The following ADAMTSL1 variants were observed in gnomAD, a reference collection of about 807,000 sequenced individuals.
ADAMTSL1 encodes ADAMTS-like protein 1.
In ADAMTSL1, 126 loss-of-function variants were observed where a neutral mutation model predicts 201.8. That is an observed-to-expected ratio of 0.62 (90% CI 0.54 to 0.72). ADAMTSL1 has a LOEUF of 0.72. ADAMTSL1 is among the 30% of genes least tolerant of loss of function. The probability of loss-of-function intolerance (pLI) is 0.00; values close to 1 mark genes in which losing one functional copy is unlikely to be tolerated. For missense variants in ADAMTSL1, 2,679 were observed against 2,277.8 expected, an observed-to-expected ratio of 1.18 and a Z score of -3.59; for synonymous variants, 1,121 against 903.4, an observed-to-expected ratio of 1.24 and a Z score of -4.32.
intron 16 of ADAMTSL1, among the ~76,000 whole-genome samples, chr9:18,758,622 C>G (rs1007894936): frequency 6.6e-6 from 1 of 152,338 alleles, no homozygotes; most frequent in South Asian, 2.1e-4. Context: ...CATCCTCTCT[C>G]TCTGACTCAG....
At chr9:18,753,624 T>C in intron 16 of ADAMTSL1, 116 bp downstream of exon 16, 2 of 1,147,772 alleles carry the variant, frequency 1.7e-6, no homozygotes, top group Non-Finnish European at 2.5e-6. Flanking sequence ...CAAGATCTGC[T>C]CATTTCTCCC....
At chr9:18,326,192 T>A (rs1050813556) in intron 2 of ADAMTSL1, among the ~76,000 whole-genome samples, 1 of 152,176 alleles carries the variant, frequency 6.6e-6, no homozygotes, top group Non-Finnish European at 1.5e-5. Flanking sequence ...TCAAAAATAT[T>A]CAAACCATAG....
chr9:18,898,512 G>T (rs1344292546), intron 26 of ADAMTSL1, among the ~76,000 whole-genome samples: 2 of 152,088 alleles, frequency 1.3e-5, no homozygotes, highest in Admixed American at 6.6e-5. Context: ...GAGAAATATG[G>T]GACTATGTAA....
At position 18,329,852 on chromosome 9, in the gene ADAMTSL1, C is replaced by G. The variant is rs143422543; in HGVS notation, c.207+165871C>G. On this transcript the variant is annotated intron_variant, in intron 2 of 29. Transcript: ENST00000680146. ...TGCTTTGTATTTGCCACGGCTGGCA[C>G]CAGGCAGTGCATATGCAGTGGCTAG... Among the ~76,000 whole-genome samples the G allele has an allele frequency of 5.3e-5, 8 of 152,308 alleles. No homozygotes were observed. In the East Asian group the frequency reaches 1.5e-3, roughly 29 times the overall value.
intron 23 of ADAMTSL1, among the ~76,000 whole-genome samples, chr9:18,849,809 G>T (rs10117736): frequency 0.14 from 22,005 of 152,152 alleles, 4,952 homozygotes; most frequent in African/African-American, 0.48. Context: ...AGAAAGGTCA[G>T]CATTTTGTAG....
chr9:18,717,403 G>A (rs756233551), intron 14 of ADAMTSL1, among the ~76,000 whole-genome samples: 6 of 151,870 alleles, frequency 4.0e-5, no homozygotes, highest in Non-Finnish European at 7.4e-5. Context: ...CAAGATCACT[G>A]TCTCCATAGG....
In ADAMTSL1 at chr9:18,120,406, T is replaced by C. The variant is rs536274103; in HGVS notation, c.88-43456T>C. On this transcript the variant is annotated intron_variant, in intron 1 of 29. Transcript: ENST00000680146. ...TCATCACACACCATTCCTGGTACAA[T>C]ACAAGAGGGGAATGGAGGAGGTGTC... Among the ~76,000 whole-genome samples, 3 of 152,218 alleles carry C rather than the reference T, an allele frequency of 2.0e-5. No individual in the cohort carries two copies. In the South Asian group the frequency reaches 6.2e-4, roughly 32 times the overall value.
At chr9:18,541,273 G>A (rs1820128458) in intron 3 of ADAMTSL1, among the ~76,000 whole-genome samples, 1 of 152,188 alleles carries the variant, frequency 6.6e-6, no homozygotes, top group Admixed American at 6.5e-5. Flanking sequence ...CACTTTGGGA[G>A]GCCGAGGCAG....
intron 4 of ADAMTSL1, chr9:18,574,638 A>C: frequency 3.1e-6 from 1 of 321,454 alleles, no homozygotes; most frequent in East Asian, 4.7e-5. Context: ...CTGGATTTTC[A>C]TTGACTCAGT....
intron 1 of ADAMTSL1, among the ~76,000 whole-genome samples, chr9:18,028,621 T>G (rs1186439786): frequency 6.6e-6 from 1 of 152,158 alleles, no homozygotes; most frequent in Non-Finnish European, 1.5e-5. Context: ...TTGGTCTATA[T>G]CTCTGTTTTG....
rs80344935 is a variant in ADAMTSL1, at chr9:18,786,493, G to A, written c.3677+8587G>A. 3.5e-3 allele frequency among the ~76,000 whole-genome samples: 527 copies of A among 152,326 alleles called. 3 individuals are homozygous for A. The highest frequency in any genetic ancestry group is 0.011 in the African/African-American group (462 of 41,572). ...TATTAGTTAAACTAAAATGATACTAGTACAATTAGGCACTTTGATTCTGCC... is the reference window on the plus strand; with the variant it reads ...TATTAGTTAAACTAAAATGATACTAATACAATTAGGCACTTTGATTCTGCC... On this transcript the variant is annotated intron_variant, in intron 19 of 28. Transcript: ENST00000380548.
At chr9:17,925,856 T>TTA (rs1554665268) in intron 1 of ADAMTSL1, among the ~76,000 whole-genome samples, 5 of 148,120 alleles carry the variant, frequency 3.4e-5, no homozygotes, top group Non-Finnish European at 6.0e-5. Flanking sequence ...AAAGTATAAT[T>TTA]AAAAAAAAAA....
intron 1 of ADAMTSL1, among the ~76,000 whole-genome samples, chr9:17,981,498 G>A (rs1217262360): frequency 1.3e-5 from 2 of 152,140 alleles, no homozygotes; most frequent in Admixed American, 1.3e-4. Context: ...CTTATTTCCT[G>A]TGTGTCTTAT....
intron 1 of ADAMTSL1, among the ~76,000 whole-genome samples, chr9:18,034,493 A>G (rs1253362642): frequency 6.6e-6 from 1 of 152,336 alleles, no homozygotes; most frequent in Non-Finnish European, 1.5e-5. Context: ...TCTTAAGTAT[A>G]TAGAAACATA....
intron 2 of ADAMTSL1, among the ~76,000 whole-genome samples, chr9:18,395,081 A>G (rs1438827079): frequency 6.6e-6 from 1 of 152,184 alleles, no homozygotes; most frequent in Non-Finnish European, 1.5e-5. Context: ...TTCAGGACAG[A>G]TCTGTCAGAG....
Position 18,292,573 on chromosome 9 carries a change from C to T in ADAMTSL1, c.207+128592C>T, listed in dbSNP as rs904956750. 2.0e-5 allele frequency among the ~76,000 whole-genome samples: 3 copies of T among 152,094 alleles called. No homozygotes were observed. In the East Asian group the frequency reaches 5.8e-4, roughly 29 times the overall value. On this transcript the variant is annotated intron_variant, in intron 2 of 29. Transcript: ENST00000680146. ...TCAGCCTGGGTGGGCACCATCTAAT[C>T]AGCTGCCAGTGTGGCTAGAATAAAG...
intron 2 of ADAMTSL1, among the ~76,000 whole-genome samples, chr9:18,396,143 G>C (rs1371131070): frequency 6.6e-6 from 1 of 152,132 alleles, no homozygotes; most frequent in East Asian, 1.9e-4. Context: ...AGAGCACTCT[G>C]GTCCTTTTCA....
intron 1 of ADAMTSL1, among the ~76,000 whole-genome samples, chr9:18,113,360 A>T (rs1230166903): frequency 1.3e-5 from 2 of 152,078 alleles, no homozygotes; most frequent in African/African-American, 4.8e-5. Flanking sequence ...GGGAGGTTAG[A>T]TGGGATTGGG....
At chr9:18,192,950 A>G (rs72701542) in intron 2 of ADAMTSL1, among the ~76,000 whole-genome samples, 4,951 of 152,244 alleles carry the variant, frequency 0.033, 119 homozygotes, top group Non-Finnish European at 0.053. Flanking sequence ...TTAACTTTAT[A>G]TATAATATAC....
Sources: gnomAD v4.1 joint callset for allele counts (sites outside exome capture counted in the v4.1 genomes callset) on GRCh38, gnomAD v4.1.1 for gene constraint, MANE v1.5 for transcripts, NCBI Gene and HGNC (gene_info 2026-07-23, HGNC 2026-07-21) for gene names.